Variants in CLCN3 observed in about 807,000 individuals in gnomAD.
The protein encoded by CLCN3 is H(+)/Cl(-) exchange transporter 3.
CLCN3 carries 16 observed loss-of-function variants against 83.4 expected under a neutral mutation model. That is an observed-to-expected ratio of 0.19 (90% CI 0.13 to 0.29). CLCN3 has a LOEUF of 0.29. Ranked by LOEUF, CLCN3 falls within the 10% of genes least tolerant of loss-of-function variation. The pLI is 1.00. For synonymous variants in CLCN3, 322 were observed against 346.2 expected (o/e 0.93, Z 0.78); for missense variants, 544 against 1,006.0 (o/e 0.54, Z 6.21).
intron 11 of CLCN3, among the ~76,000 whole-genome samples, 185 bp from the exon 12 acceptor site, chr4:169,712,894 A>G (rs901529329): frequency 6.6e-6 from 1 of 152,242 alleles, no homozygotes; most frequent in African/African-American, 2.4e-5. Context: ...TTCTAATTCA[A>G]TCAAATATAA....
At chr4:169,663,947 C>A (rs1239448143) in intron 2 of CLCN3, among the ~76,000 whole-genome samples, 1 of 152,212 alleles carries the variant, frequency 6.6e-6, no homozygotes, top group Non-Finnish European at 1.5e-5. Context: ...GAAATCTCTT[C>A]TTCCCCCAAA....
intron 2 of CLCN3, among the ~76,000 whole-genome samples, chr4:169,663,313 TTTTGTTG>T (rs1272638886): frequency 1.5e-3 from 38 of 25,092 alleles, no homozygotes; most frequent in Non-Finnish European, 2.6e-3. Flanking sequence ...AAGTGGGTTT[TTTTGTTG>T]TTGTTGTTGT....
At chr4:169,683,240 G>A (rs545684104) in intron 3 of CLCN3, among the ~76,000 whole-genome samples, 201 of 152,308 alleles carry the variant, frequency 1.3e-3, no homozygotes, top group Non-Finnish European at 2.0e-3. Context: ...GCTCATGCCT[G>A]TAATCCCAGT....
rs186326401 is a variant in CLCN3 at position 169,652,446 on chromosome 4, G to A, written c.160+16358G>A. Among the ~76,000 whole-genome samples the A allele has an allele frequency of 5.2e-4, 79 of 152,326 alleles. No homozygotes were observed. In the East Asian group the frequency reaches 0.013, roughly 26 times the overall value. Reference sequence around the variant, plus strand: ...AATGTGGCTTTCAAGAATCAGGCATGTTGTTGCAGGTAGTAGCTGTGTGGT... The same window carrying A: ...AATGTGGCTTTCAAGAATCAGGCATATTGTTGCAGGTAGTAGCTGTGTGGT... On this transcript the variant is annotated intron_variant, in intron 2 of 12. Coordinates refer to ENST00000513761, the MANE Select transcript of CLCN3 (RefSeq NM_001829.4).
intron 2 of CLCN3, among the ~76,000 whole-genome samples, chr4:169,677,884 A>G (rs1560852009): frequency 1.3e-5 from 2 of 150,676 alleles, no homozygotes. Context: ...TTTAAAAGCC[A>G]ATTGTATTTC....
At chr4:169,647,374 A>G (rs1165684153) in intron 2 of CLCN3, among the ~76,000 whole-genome samples, 1 of 152,130 alleles carries the variant, frequency 6.6e-6, no homozygotes, top group East Asian at 1.9e-4. Flanking sequence ...TGGGTGACAG[A>G]GCAAGACCCC....
In CLCN3 at chr4:169,668,143, G is replaced by A. The variant is rs1458974639; in HGVS notation, c.161-11907G>A. Among the ~76,000 whole-genome samples, 7 of 144,274 alleles carry A rather than the reference G, an allele frequency of 4.9e-5. No homozygotes were observed. In the South Asian group the frequency reaches 8.7e-4, roughly 18 times the overall value. 94.6% of individuals were successfully genotyped at this position (144,274 alleles called of 152,430 possible). A position where few individuals can be genotyped will look rare whatever the true frequency, so the allele number is the denominator to read the frequency against. ...TCATATGAGTAATATAATGCAACAT[G>A]CTGAATTGTGTGTGTGAGAGGGGGT... On this transcript the variant is annotated intron_variant, in intron 2 of 12. Transcript: ENST00000513761.
At chr4:169,665,519 G>A (rs1393557516) in intron 2 of CLCN3, among the ~76,000 whole-genome samples, 2 of 151,866 alleles carry the variant, frequency 1.3e-5, no homozygotes, top group African/African-American at 4.8e-5. Context: ...CTAACATTCT[G>A]GAACTTCCAC....
chr4:169,649,328 A>G (rs1379341932), intron 2 of CLCN3, among the ~76,000 whole-genome samples: 3 of 152,220 alleles, frequency 2.0e-5, no homozygotes, highest in Non-Finnish European at 4.4e-5. Flanking sequence ...ACTTTTCCCC[A>G]AGAGTGGTGG....
chr4:169,631,782 G>A (rs1773377911), intron 1 of CLCN3, among the ~76,000 whole-genome samples: 1 of 152,140 alleles, frequency 6.6e-6, no homozygotes, highest in African/African-American at 2.4e-5. Flanking sequence ...GATCCCCAGA[G>A]ACTATTATGA....
chr4:169,678,485 A>T (rs1054777484), intron 2 of CLCN3, among the ~76,000 whole-genome samples: 2 of 152,136 alleles, frequency 1.3e-5, no homozygotes, highest in African/African-American at 4.8e-5. Context: ...TGGCAGGGTC[A>T]TAGGACAATA....
chr4:169,645,175 G>A (rs1730538632), intron 2 of CLCN3, among the ~76,000 whole-genome samples: 1 of 152,064 alleles, frequency 6.6e-6, no homozygotes, highest in Non-Finnish European at 1.5e-5. Context: ...AAGATTTTTG[G>A]GGTCTCTCGA....
intron 2 of CLCN3, among the ~76,000 whole-genome samples, chr4:169,646,180 G>T (rs2150209335): frequency 6.6e-6 from 1 of 152,242 alleles, no homozygotes; most frequent in Middle Eastern, 3.4e-3. Context: ...ATATTGGCAT[G>T]CATAGAGTAG....
intron 8 of CLCN3, among the ~76,000 whole-genome samples, chr4:169,696,692 C>T (rs1249969484): frequency 5.9e-5 from 9 of 152,108 alleles, no homozygotes; most frequent in Non-Finnish European, 1.3e-4. Flanking sequence ...TCCCCTTTCC[C>T]TGTTCACCTC....
intron 11 of CLCN3, 140 bp from the exon 12 acceptor site, chr4:169,712,939 C>A: frequency 1.6e-6 from 1 of 633,006 alleles, no homozygotes; most frequent in Non-Finnish European, 2.8e-6. Context: ...TGACTCCTTT[C>A]TTGGTTAAGG....
At chr4:169,696,429 A>G (rs977144625) in intron 8 of CLCN3, among the ~76,000 whole-genome samples, 6 of 152,018 alleles carry the variant, frequency 3.9e-5, no homozygotes, top group Non-Finnish European at 7.4e-5. Context: ...TTTTTGACAA[A>G]TAATAATTGT....
At chr4:169,687,881 A>G in intron 4 of CLCN3, 124 bp downstream of exon 4, 2 of 539,068 alleles carry the variant, frequency 3.7e-6, no homozygotes, top group Non-Finnish European at 6.6e-6. Flanking sequence ...CTCTTCTTCA[A>G]AAAATCTCCT....
intron 3 of CLCN3, 74 bp from the exon 4 acceptor site, chr4:169,687,584 A>G: frequency 1.0e-6 from 1 of 989,408 alleles, no homozygotes; most frequent in Non-Finnish European, 1.5e-6. Context: ...GTAAATGAGA[A>G]AAATTGCTAG....
intron 2 of CLCN3, among the ~76,000 whole-genome samples, chr4:169,644,521 C>T (rs1406451654): frequency 5.3e-5 from 8 of 152,140 alleles, no homozygotes; most frequent in South Asian, 4.1e-4. Context: ...GGATTACAGG[C>T]GTGAGCCACC....
Sources: allele counts gnomAD v4.1 joint callset (sites outside exome capture counted in the v4.1 genomes callset), GRCh38; gene constraint gnomAD v4.1.1; transcripts MANE v1.5; gene names NCBI Gene and HGNC (gene_info 2026-07-23, HGNC 2026-07-21).